ARFIP1: variants seen among roughly 807,000 people sequenced by gnomAD.
ARFIP1 encodes the protein arfaptin-1.
In ARFIP1, 24 loss-of-function variants were observed where a neutral mutation model predicts 42.5. The observed-to-expected ratio is 0.57, with a 90% CI of 0.41 to 0.80. The LOEUF (loss-of-function observed/expected upper bound fraction) is 0.80, where lower values mean the gene tolerates loss of function less well. Among genes scored for constraint, ARFIP1 ranks in the 30% least tolerant of loss-of-function variants. ARFIP1 has a pLI of 0.00. For synonymous variants in ARFIP1, 141 were observed against 153.7 expected, an observed-to-expected ratio of 0.92 and a Z score of 0.61; for missense variants, 354 against 434.0, an observed-to-expected ratio of 0.82 and a Z score of 1.64.
In ARFIP1 at chr4:152,887,825, T is replaced by A. The variant is rs111831529; in HGVS notation, c.792-308T>A. ...TAAGCAATTCACTTGGGGTATTTATTCTACCCTTGATCTTGTTTTGACATT... is the reference window on the plus strand; with the variant it reads ...TAAGCAATTCACTTGGGGTATTTATACTACCCTTGATCTTGTTTTGACATT... On this transcript the variant is annotated intron_variant, in intron 7 of 8. Coordinates refer to ENST00000353617, the MANE Select transcript of ARFIP1 (RefSeq NM_001025595.3). Among the ~76,000 whole-genome samples the A allele has an allele frequency of 4.2e-3, 633 of 152,228 alleles. 2 individuals carry two copies. Among genetic ancestry groups the A allele is most frequent in the Non-Finnish European group, 7.1e-3 (486 of 67,974 alleles).
Position 152,781,234 on chromosome 4 carries a change from C to CTTTTTTTTTT in ARFIP1, c.-10+1018_-10+1027dup, listed in dbSNP as rs535397594. Among the ~76,000 whole-genome samples, 63 of 118,914 alleles carry CTTTTTTTTTT rather than the reference C, an allele frequency of 5.3e-4. 1 individual carries two copies. Among genetic ancestry groups the CTTTTTTTTTT allele is most frequent in the South Asian group, 2.2e-3 (8 of 3,710 alleles). 78.0% of individuals were successfully genotyped at this position (118,914 alleles called of 152,430 possible). On this transcript the variant is annotated intron_variant, in intron 1 of 8. Transcript: ENST00000353617. ...TTCAGGAATTGGCCTTTTCTTTTTT[C>CTTTTTTTTTT]TTTTTTTTTTTTTTTTTTTGAGACA...
chr4:152,861,407 A>G (rs1733883177), intron 2 of ARFIP1, among the ~76,000 whole-genome samples: 2 of 152,342 alleles, frequency 1.3e-5, no homozygotes, highest in Non-Finnish European at 1.5e-5. Context: ...CTGTATTTCT[A>G]TGACGTTGTA....
intron 2 of ARFIP1, among the ~76,000 whole-genome samples, chr4:152,856,185 T>C (rs769356023): frequency 2.0e-5 from 3 of 152,230 alleles, no homozygotes; most frequent in Non-Finnish European, 4.4e-5. Flanking sequence ...AACACATTAC[T>C]TAGCTCCCCT....
Position 152,888,240 on chromosome 4 carries a change from A to G in ARFIP1, c.899A>G (p.His300Arg). ...IEQSQHLFQA[H>R]KEKYDKMRND... ...CAGTCACAGCATCTCTTCCAAGCAC[A>G]TAAGGAAAAATATGATAAAATGCGC... The change falls in exon 8 of 9, where the codon CAT becomes CGT. Residue 300 changes from histidine (H) to arginine (R), a missense_variant. Coordinates refer to ENST00000353617, the MANE Select transcript of ARFIP1 (RefSeq NM_001025595.3). The G allele has an allele frequency of 1.9e-6, 3 of 1,610,470 alleles. No homozygotes were observed. Among genetic ancestry groups the G allele is most frequent in the Non-Finnish European group, 2.5e-6 (3 of 1,178,444 alleles).
intron 1 of ARFIP1, among the ~76,000 whole-genome samples, chr4:152,781,454 C>G (rs777349101): frequency 1.3e-5 from 2 of 152,114 alleles, no homozygotes; most frequent in African/African-American, 4.8e-5. Context: ...CCAGGCTGGT[C>G]TCAAACTCCT....
chr4:152,793,177 C>T (rs1430571656), intron 1 of ARFIP1, among the ~76,000 whole-genome samples: 2 of 151,692 alleles, frequency 1.3e-5, no homozygotes, highest in African/African-American at 4.8e-5. Flanking sequence ...TTGTTACTCC[C>T]ATGTATTTTG....
chr4:152,905,669 C>T (rs1232541735), intron 8 of ARFIP1, among the ~76,000 whole-genome samples: 2 of 147,810 alleles, frequency 1.4e-5, no homozygotes, highest in East Asian at 4.1e-4. Context: ...TCTCCTGCCT[C>T]AGCCTCCCAA....
At chr4:152,817,450 C>G (rs1729990950) in intron 1 of ARFIP1, among the ~76,000 whole-genome samples, 1 of 152,108 alleles carries the variant, frequency 6.6e-6, no homozygotes, top group Non-Finnish European at 1.5e-5. Context: ...ACACCATATA[C>G]AAAAATTAAC....
Position 152,829,705 on chromosome 4 carries a change from T to G in ARFIP1, c.72T>G (p.Ser24=). Residue 24 remains serine, a synonymous_variant, in exon 2 of 9, where the codon TCT becomes TCG. Coordinates refer to ENST00000353617, the MANE Select transcript of ARFIP1 (RefSeq NM_001025595.3). ...PVTSNGEVDD[S]REHSFNRDLK... Reference sequence around the variant, plus strand: ...CTAGTAATGGAGAAGTTGATGACTCTCGTGAACATAGCTTTAATAGGGTAA... The same window carrying G: ...CTAGTAATGGAGAAGTTGATGACTCGCGTGAACATAGCTTTAATAGGGTAA... 1.9e-6 allele frequency: 3 copies of G among 1,609,726 alleles called. No individual in the cohort carries two copies. Among genetic ancestry groups the G allele is most frequent in the Non-Finnish European group, 2.5e-6 (3 of 1,177,560 alleles).
At chr4:152,833,621 G>A (rs115171359) in intron 2 of ARFIP1, among the ~76,000 whole-genome samples, 1,602 of 152,292 alleles carry the variant, frequency 0.011, 14 homozygotes, top group Non-Finnish European at 0.016. Context: ...CTAAGTGTCT[G>A]TTAATGGATG....
At chr4:152,788,624 T>C (rs955829352) in intron 1 of ARFIP1, among the ~76,000 whole-genome samples, 3 of 152,300 alleles carry the variant, frequency 2.0e-5, no homozygotes, top group Middle Eastern at 3.4e-3. Flanking sequence ...GAGGTTGCAG[T>C]GAGCAGAGAT....
intron 1 of ARFIP1, among the ~76,000 whole-genome samples, chr4:152,806,141 G>A (rs1167819801): frequency 6.6e-6 from 1 of 152,156 alleles, no homozygotes; most frequent in Non-Finnish European, 1.5e-5. Flanking sequence ...CCACTCTTCA[G>A]ATATTTGCCT....
At chr4:152,809,543 A>G (rs1729283485) in intron 1 of ARFIP1, 1 of 152,214 alleles carries the variant, frequency 6.6e-6, no homozygotes, top group East Asian at 1.9e-4. Context: ...AATCGTTGGC[A>G]TGTACAAATG....
At chr4:152,904,996 A>G (rs1276180977) in intron 8 of ARFIP1, among the ~76,000 whole-genome samples, 3 of 152,196 alleles carry the variant, frequency 2.0e-5, no homozygotes, top group Non-Finnish European at 4.4e-5. Context: ...TGGTTGAACT[A>G]ATTTACATTC....
chr4:152,884,658 C>G (rs1736123697), intron 7 of ARFIP1, among the ~76,000 whole-genome samples: 1 of 151,954 alleles, frequency 6.6e-6, no homozygotes, highest in African/African-American at 2.4e-5. Context: ...TTCCCTTCAG[C>G]TTTTATTTCT....
intron 3 of ARFIP1, among the ~76,000 whole-genome samples, chr4:152,867,328 C>T (rs907021093): frequency 9.9e-5 from 15 of 152,142 alleles, no homozygotes; most frequent in Non-Finnish European, 2.1e-4. Flanking sequence ...ACCCCGTCTC[C>T]ACCAAAAAAA....
intron 3 of ARFIP1, among the ~76,000 whole-genome samples, chr4:152,867,666 A>C (rs1296014511): frequency 6.6e-6 from 1 of 152,190 alleles, no homozygotes; most frequent in African/African-American, 2.4e-5. Context: ...CAATAATTGA[A>C]ATCAGTTGGC....
At chr4:152,792,289 ACCCT>A (rs1278887979) in intron 1 of ARFIP1, among the ~76,000 whole-genome samples, 3 of 152,150 alleles carry the variant, frequency 2.0e-5, no homozygotes, top group Non-Finnish European at 2.9e-5. Context: ...AAGAGTAATA[ACCCT>A]TTAGACATTT....
intron 7 of ARFIP1, 149 bp downstream of exon 7, chr4:152,883,029 G>A: frequency 5.1e-6 from 4 of 780,180 alleles, no homozygotes; most frequent in Non-Finnish European, 7.8e-6. Flanking sequence ...CTACAGACCT[G>A]GCAGAAAGGG....
Sources: allele counts gnomAD v4.1 joint callset (sites outside exome capture counted in the v4.1 genomes callset), GRCh38; gene constraint gnomAD v4.1.1; transcripts MANE v1.5; gene names NCBI Gene and HGNC (gene_info 2026-07-23, HGNC 2026-07-21).